Variants in FKRP observed in about 807,000 individuals in gnomAD.
FKRP encodes the protein ribitol 5-phosphate transferase FKRP.
In FKRP, 25 loss-of-function variants were observed where a neutral mutation model predicts 30.6. The ratio of observed to expected loss-of-function variants is 0.82; its 90% confidence interval spans 0.60 to 1.14. The LOEUF is 1.14. Ranked by LOEUF, FKRP falls within the 50% of genes most tolerant of loss-of-function variation. The pLI is 0.00. For synonymous variants in FKRP, 358 were observed against 342.5 expected (o/e 1.05, Z -0.50); for missense variants, 771 against 727.8 (o/e 1.06, Z -0.68).
chr19:46,751,513 G>T (rs907471886), intron 3 of FKRP, among the ~76,000 whole-genome samples: 1 of 151,814 alleles, frequency 6.6e-6, no homozygotes, highest in Non-Finnish European at 1.5e-5. Context: ...CAAGTAGCTG[G>T]GATTACAGGC....
chr19:46,750,034 G>A (rs1392084039), intron 3 of FKRP, among the ~76,000 whole-genome samples: 2 of 151,992 alleles, frequency 1.3e-5, no homozygotes, highest in Non-Finnish European at 2.9e-5. Flanking sequence ...ATTTTTAAAT[G>A]TGATCATAAC....
intron 1 of FKRP, chr19:46,747,322 G>A (rs2054667908): frequency 6.6e-6 from 1 of 152,004 alleles, no homozygotes; most frequent in Non-Finnish European, 1.5e-5. Flanking sequence ...TCAAGGCCTG[G>A]TTACTATGAT....
chr19:46,750,226 A>G (rs2054764915), intron 3 of FKRP, among the ~76,000 whole-genome samples: 1 of 152,138 alleles, frequency 6.6e-6, no homozygotes, highest in South Asian at 2.1e-4. Context: ...AGAGGCGGTG[A>G]AGTCTGCATG....
chr19:46,755,190 T>A (rs1329829574), intron 3 of FKRP, among the ~76,000 whole-genome samples: 22 of 144,342 alleles, frequency 1.5e-4, no homozygotes, highest in African/African-American at 4.8e-4. Context: ...TCACTCTGTT[T>A]AAAAAAAAAA....
Position 46,756,464 on chromosome 19 carries a change from G to A in FKRP, c.1014G>A (p.Val338=). 1 of 1,584,240 alleles carries A rather than the reference G, an allele frequency of 6.3e-7. No individual in the cohort carries two copies. The highest frequency in any genetic ancestry group is 8.6e-7 in the Non-Finnish European group (1 of 1,165,678). Residue 338 remains valine (V), a synonymous_variant, in exon 4 of 4, where the codon GTG becomes GTA. Transcript: ENST00000318584. This position sits in a 1 kb window ranked among gnomAD's most constrained non-coding sequence, Gnocchi z 6.6. Reference sequence around the variant, plus strand: ...TGGGCGTGCTGGAGGCTGCGGGCGTGCGCTACTGGCTCGAGGGCGGCTCAC... The same window carrying A: ...TGGGCGTGCTGGAGGCTGCGGGCGTACGCTACTGGCTCGAGGGCGGCTCAC... ...YVVGVLEAAG[V]RYWLEGGSLL...
chr19:46,749,723 CAAA>C (rs1175374378), intron 3 of FKRP, among the ~76,000 whole-genome samples: 2 of 62,478 alleles, frequency 3.2e-5, no homozygotes, highest in East Asian at 1.1e-3. Context: ...GACTCCGTCT[CAAA>C]AAAAAAAAAA....
At position 46,755,586 on chromosome 19, in the gene FKRP, G is replaced by A. The variant is rs1216050476; in HGVS notation, c.136G>A (p.Gly46Ser). ...ARGPRRASAA[G>S]PRVTVLVREF... Reference sequence around the variant, plus strand: ...GGGGCCCCGTCGTGCCTCTGCTGCCGGCCCCCGTGTCACCGTCCTGGTGCG... The same window carrying A: ...GGGGCCCCGTCGTGCCTCTGCTGCCAGCCCCCGTGTCACCGTCCTGGTGCG... Residue 46 changes from glycine to serine, a missense_variant, in exon 4 of 4, where the codon GGC becomes AGC. Physicochemically the swap from Gly to Ser is moderately conservative, Grantham distance 56 (BLOSUM62 0). Coordinates refer to ENST00000318584, the MANE Select transcript of FKRP (RefSeq NM_024301.5). 6.2e-7 allele frequency: 1 copy of A among 1,605,984 alleles called. No individual in the cohort carries two copies. Among genetic ancestry groups the A allele is most frequent in the Non-Finnish European group, 8.5e-7 (1 of 1,177,052 alleles).
chr19:46,746,235 G>T (rs757111465), intron 1 of FKRP, 145 bp downstream of exon 1: 8 of 1,522,010 alleles, frequency 5.3e-6, no homozygotes, highest in Non-Finnish European at 7.0e-6. Flanking sequence ...AGGATCCCCG[G>T]CAGGCTCAGG....
At position 46,756,749 on chromosome 19, in the gene FKRP, G is replaced by A; in HGVS notation, c.1299G>A (p.Leu433=). 1 of 1,607,508 alleles carries A rather than the reference G, an allele frequency of 6.2e-7. No homozygotes were observed. The highest frequency in any genetic ancestry group is 8.5e-7 in the Non-Finnish European group (1 of 1,177,302). ...GCGTCATGACCAAGGACACGTGGCTGGACCACCGGCAGGATGTGGAGTTTC... is the reference window on the plus strand; with the variant it reads ...GCGTCATGACCAAGGACACGTGGCTAGACCACCGGCAGGATGTGGAGTTTC... The part of the protein sequence containing the change: ...RNGVMTKDTW[L]DHRQDVEFPE... The change falls in exon 4 of 4, where the codon CTG becomes CTA. Residue 433 remains leucine (L), a synonymous_variant. Coordinates refer to ENST00000318584, the MANE Select transcript of FKRP (RefSeq NM_024301.5). The surrounding 1 kb of genome is among the most constrained non-coding windows in gnomAD (Gnocchi z 6.6).
In FKRP at chr19:46,757,272, G is replaced by A. The variant is rs559321056; in HGVS notation, c.*334G>A. ...GCACAGCCCCAGACCCGAAAAAAGT[G>A]TTCTGCCCAAGATTCCGAGAGCCCT... On this transcript the variant is annotated 3_prime_UTR_variant, in exon 4 of 4. Transcript: ENST00000318584. 1.1e-5 allele frequency: 5 copies of A among 443,896 alleles called. No individual in the cohort carries two copies. Among genetic ancestry groups the A allele is most frequent in the Admixed American group, 7.1e-5 (2 of 28,314 alleles). 27.5% of individuals were successfully genotyped at this position (443,896 alleles called of 1,614,324 possible).
At chr19:46,750,237 G>C (rs1282611565) in intron 3 of FKRP, among the ~76,000 whole-genome samples, 1 of 152,126 alleles carries the variant, frequency 6.6e-6, no homozygotes, top group Non-Finnish European at 1.5e-5. Context: ...AGTCTGCATG[G>C]CTTTATCAGG....
chr19:46,756,707 C>T lies in FKRP; in HGVS notation c.1257C>T (p.Pro419=), dbSNP rs1335867192. The part of the protein sequence containing the change: ...ESNHLHVDLW[P]FYPRNGVMTK... ...ACCACTTGCACGTGGACCTGTGGCC[C>T]TTCTACCCCCGCAATGGCGTCATGA... is the stretch of plus-strand genomic sequence containing the variant. Residue 419 remains proline, a synonymous_variant, in exon 4 of 4, where the codon CCC becomes CCT. Transcript: ENST00000318584. This position sits in a 1 kb window ranked among gnomAD's most constrained non-coding sequence, Gnocchi z 6.6. 7 of 1,611,998 alleles carry T rather than the reference C, an allele frequency of 4.3e-6. No individual in the cohort carries two copies. In the Admixed American group the frequency reaches 1.0e-4, roughly 23 times the overall value.
At chr19:46,745,447 T>C (rs2054564842), upstream of FKRP, among the ~76,000 whole-genome samples, 1 of 152,096 alleles carries the variant, frequency 6.6e-6, no homozygotes. Flanking sequence ...CCTGGACCCC[T>C]TGAAACCCTC....
At chr19:46,755,190 T>TAAAA (rs5828285) in intron 3 of FKRP, among the ~76,000 whole-genome samples, 1 of 144,308 alleles carries the variant, frequency 6.9e-6, no homozygotes, top group Non-Finnish European at 1.5e-5. Context: ...TCACTCTGTT[T>TAAAA]AAAAAAAAAA....
chr19:46,751,604 G>T (rs2054794408), intron 3 of FKRP, among the ~76,000 whole-genome samples: 1 of 145,902 alleles, frequency 6.9e-6, no homozygotes, highest in Non-Finnish European at 1.5e-5. Context: ...TGTCGCCCAG[G>T]CCGGACTGCG....
At chr19:46,746,341 CCCAGTGGGG>C in intron 1 of FKRP, 1 of 1,274,218 alleles carries the variant, frequency 7.8e-7, no homozygotes, top group Non-Finnish European at 9.8e-7. Flanking sequence ...CCGGGGCCGC[CCCAGTGGGG>C]CCAGGGCCCG....
chr19:46,748,334 C>T lies in FKRP; in HGVS notation c.-190-181C>T, dbSNP rs372268395. Among the ~76,000 whole-genome samples, 152 of 152,110 alleles carry T rather than the reference C, an allele frequency of 1.0e-3. 1 individual carries two copies. In the South Asian group the frequency reaches 0.014, roughly 14 times the overall value. On this transcript the variant is annotated intron_variant, in intron 2 of 3. Coordinates refer to ENST00000318584, the MANE Select transcript of FKRP (RefSeq NM_024301.5). ...CTGGGATTACAGGCACCTGCCACCA[C>T]GCCCGGCTAATTTTTTGTATTTTTA...
intron 1 of FKRP, chr19:46,746,388 A>AGGC (rs1434686470): frequency 4.6e-5 from 49 of 1,064,660 alleles, no homozygotes; most frequent in Middle Eastern, 4.2e-4. Flanking sequence ...CGGCAGGAGG[A>AGGC]GGCGGCGGCG....
Position 46,756,322 on chromosome 19 carries a change from AG to A in FKRP, c.874del (p.Glu292ArgfsTer136). 1 of 1,555,108 alleles carries A rather than the reference AG, an allele frequency of 6.4e-7. No individual in the cohort carries two copies. ...GGRLEWFGCN[K>X]ETTRCFGTVV... ...CGGCTGGAGTGGTTCGGCTGCAACA[AG>A]GAGACCACGCGCTGCTTCGGAACCG... On this transcript the variant is annotated frameshift_variant, in exon 4 of 4. Coordinates refer to ENST00000318584, the MANE Select transcript of FKRP (RefSeq NM_024301.5). LOFTEE classifies it high-confidence loss of function. The surrounding 1 kb of genome is among the most constrained non-coding windows in gnomAD (Gnocchi z 6.6).
Sources: gnomAD v4.1 joint callset for allele counts (sites outside exome capture counted in the v4.1 genomes callset) on GRCh38, gnomAD v4.1.1 for gene constraint, Gnocchi (gnomAD v3.1) non-coding constraint, MANE v1.5 for transcripts, NCBI Gene and HGNC (gene_info 2026-07-23, HGNC 2026-07-21) for gene names.